UBE3C: variants seen among roughly 807,000 people sequenced by gnomAD.
The protein encoded by UBE3C is ubiquitin protein ligase E3C, also known as ubiquitin-protein ligase E3C.
UBE3C carries 42 observed loss-of-function variants against 129.4 expected under a neutral mutation model. That is an observed-to-expected ratio of 0.32 (90% CI 0.25 to 0.42). The LOEUF is 0.42. Ranked by LOEUF, UBE3C falls within the 10% of genes least tolerant of loss-of-function variation. UBE3C has a pLI of 1.00. For missense variants in UBE3C, 1,049 were observed against 1,319.1 expected (o/e 0.80, Z 3.17); for synonymous variants, 510 against 492.4 (o/e 1.04, Z -0.47).
At chr7:157,217,429 G>A (rs1795613553) in intron 14 of UBE3C, among the ~76,000 whole-genome samples, 1 of 151,600 alleles carries the variant, frequency 6.6e-6, no homozygotes, top group Non-Finnish European at 1.5e-5. Flanking sequence ...TGGGATTACA[G>A]ACGTAAGCCA....
intron 14 of UBE3C, among the ~76,000 whole-genome samples, chr7:157,219,137 C>T (rs371869370): frequency 1.3e-5 from 2 of 152,154 alleles, no homozygotes; most frequent in South Asian, 2.1e-4. Flanking sequence ...CCAGGTGCAG[C>T]GCATGTCTAG....
chr7:157,183,760 T>A, intron 8 of UBE3C, 118 bp from the exon 9 acceptor site: 1 of 1,303,232 alleles, frequency 7.7e-7, no homozygotes, highest in Non-Finnish European at 1.0e-6. Context: ...GTTAGAATTT[T>A]AAAAATAAGA....
chr7:157,168,904 T>C (rs1396592161), intron 2 of UBE3C, 144 bp from the exon 3 acceptor site: 4 of 603,756 alleles, frequency 6.6e-6, no homozygotes, highest in South Asian at 2.0e-5. Context: ...TAAATGCATA[T>C]TTAGTGGGTG....
At position 157,230,509 on chromosome 7, in the gene UBE3C, A is replaced by G. The variant is rs574281959; in HGVS notation, c.2234-571A>G. On this transcript the variant is annotated intron_variant, in intron 17 of 22. Coordinates refer to ENST00000348165, the MANE Select transcript of UBE3C (RefSeq NM_014671.3). ...CAGGAGTTCGAGACCAGCCTGGCCA[A>G]TATGGTGAAACCCCATCTCTACTAA... is the stretch of plus-strand genomic sequence containing the variant. 3.6e-3 allele frequency among the ~76,000 whole-genome samples: 541 copies of G among 152,076 alleles called. 10 individuals are homozygous for G. The highest frequency in any genetic ancestry group is 5.5e-3 in the East Asian group (28 of 5,126).
intron 17 of UBE3C, among the ~76,000 whole-genome samples, chr7:157,230,588 G>A (rs977185113): frequency 2.0e-5 from 3 of 151,784 alleles, no homozygotes; most frequent in Non-Finnish European, 4.4e-5. Flanking sequence ...TTAGCTACTT[G>A]GGAGGCTGAG....
At chr7:157,197,763 CTG>C in intron 10 of UBE3C, 1 of 1,612,518 alleles carries the variant, frequency 6.2e-7, no homozygotes, top group South Asian at 1.1e-5. Flanking sequence ...ATCCAGGATC[CTG>C]TGTGTACTAT....
intron 1 of UBE3C, among the ~76,000 whole-genome samples, chr7:157,152,208 C>T (rs1807774773): frequency 6.7e-6 from 1 of 150,310 alleles, no homozygotes. Flanking sequence ...AGGGACAGAG[C>T]TGGGAGGAAG....
intron 1 of UBE3C, among the ~76,000 whole-genome samples, chr7:157,155,871 C>T (rs866762893): frequency 2.0e-5 from 3 of 152,158 alleles, no homozygotes; most frequent in South Asian, 2.1e-4. Flanking sequence ...GGAGCGTGCA[C>T]GCTGTCAGGA....
intron 10 of UBE3C, among the ~76,000 whole-genome samples, chr7:157,194,669 A>G (rs1227536852): frequency 6.6e-6 from 1 of 152,180 alleles, no homozygotes; most frequent in Non-Finnish European, 1.5e-5. Context: ...GAATACCTCG[A>G]TTGCGGTAAA....
At chr7:157,147,284 G>A (rs547627376) in intron 1 of UBE3C, among the ~76,000 whole-genome samples, 41 of 152,064 alleles carry the variant, frequency 2.7e-4, no homozygotes, top group Admixed American at 9.8e-4. Context: ...ATTTTTAAGG[G>A]GTGCTAATGT....
intron 13 of UBE3C, among the ~76,000 whole-genome samples, chr7:157,212,499 A>C (rs1279454141): frequency 3.9e-5 from 6 of 152,250 alleles, no homozygotes; most frequent in African/African-American, 1.4e-4. Context: ...TCAGTTAAGC[A>C]AGATTTTCTT....
chr7:157,261,920 C>T (rs1273146788), intron 22 of UBE3C, among the ~76,000 whole-genome samples: 1 of 152,126 alleles, frequency 6.6e-6, no homozygotes, highest in African/African-American at 2.4e-5. Flanking sequence ...CAAAATGGTG[C>T]CCTTGACTCA....
Position 157,174,754 on chromosome 7 carries a change from C to T in UBE3C, c.343-165C>T, listed in dbSNP as rs567425307. 6.1e-4 allele frequency among the ~76,000 whole-genome samples: 93 copies of T among 152,298 alleles called. 1 individual carries two copies. The highest frequency in any genetic ancestry group is 2.1e-3 in the African/African-American group (89 of 41,560). ...CCACTGTGCCTGGCTGGAAAATGCA[C>T]ATACCTCTAAATAAAACCGACTTAG... On this transcript the variant is annotated intron_variant, in intron 4 of 22. Transcript: ENST00000348165.
At chr7:157,197,721 T>G (rs1372574387) in intron 10 of UBE3C, 9 of 1,610,526 alleles carry the variant, frequency 5.6e-6, no homozygotes, top group Non-Finnish European at 7.6e-6. Flanking sequence ...AGCTGCAAAT[T>G]CAGGACAAGA....
chr7:157,187,801 C>A (rs1808853565), intron 10 of UBE3C, among the ~76,000 whole-genome samples: 1 of 152,114 alleles, frequency 6.6e-6, no homozygotes, highest in Non-Finnish European at 1.5e-5. Context: ...TGGTCTTGAT[C>A]TCCTGACCTT....
At position 157,183,834 on chromosome 7, in the gene UBE3C, A is replaced by C. The variant is rs370416956; in HGVS notation, c.992-44A>C. 16 of 1,571,806 alleles carry C rather than the reference A, an allele frequency of 1.0e-5. No homozygotes were observed. In the African/African-American group the frequency reaches 2.2e-4, roughly 21 times the overall value. On this transcript the variant is annotated intron_variant, in intron 8 of 22. Transcript: ENST00000348165. ...GCGTCTTCGTTTTCCATTTTAAAAA[A>C]TAATGTTTAACTAAAATACGTTTTA...
intron 5 of UBE3C, among the ~76,000 whole-genome samples, chr7:157,175,804 T>C (rs1214360887): frequency 6.6e-6 from 1 of 152,240 alleles, no homozygotes; most frequent in African/African-American, 2.4e-5. Context: ...TCTAACTTAT[T>C]TCTTTAATAA....
At chr7:157,265,608 C>T (rs1297889050) in intron 22 of UBE3C, among the ~76,000 whole-genome samples, 1 of 152,194 alleles carries the variant, frequency 6.6e-6, no homozygotes, top group Non-Finnish European at 1.5e-5. Context: ...CATGGAACAC[C>T]ATATAGCCTC....
At chr7:157,248,679 C>G in intron 19 of UBE3C, 99 bp downstream of exon 19, 2 of 1,296,158 alleles carry the variant, frequency 1.5e-6, no homozygotes, top group Non-Finnish European at 2.2e-6. Flanking sequence ...GACTTCCGCA[C>G]ATTTTAGTTA....
Sources: allele counts gnomAD v4.1 joint callset (sites outside exome capture counted in the v4.1 genomes callset), GRCh38; gene constraint gnomAD v4.1.1; transcripts MANE v1.5; gene names NCBI Gene and HGNC (gene_info 2026-07-23, HGNC 2026-07-21).